IFT140: variants seen among roughly 807,000 people sequenced by gnomAD.
The protein encoded by IFT140 is intraflagellar transport protein 140 homolog.
Under a neutral mutation model 164.6 loss-of-function variants are expected in IFT140, and 133 were observed. The observed-to-expected ratio is 0.81, with a 90% CI of 0.70 to 0.93. The LOEUF is 0.93. IFT140 is among the 40% of genes least tolerant of loss of function. The pLI, the probability that IFT140 is intolerant of heterozygous loss-of-function variation, is 0.00. For missense variants in IFT140, 2,045 were observed against 1,972.3 expected (o/e 1.04, Z -0.70); for synonymous variants, 860 against 817.3 (o/e 1.05, Z -0.89).
rs1002480626 is a variant in IFT140, at chr16:1,533,469, G to C, written c.2400-6673C>G. ...GAGACGAGGGATCTGTCCCGCACCCGGCATCCCTGGCCTCTCCTCTGGGAC... is the reference window on the plus strand; with the variant it reads ...GAGACGAGGGATCTGTCCCGCACCCCGCATCCCTGGCCTCTCCTCTGGGAC... On this transcript the variant is annotated intron_variant, in intron 19 of 30. Coordinates refer to ENST00000426508, the MANE Select transcript of IFT140 (RefSeq NM_014714.4). This position sits in a 1 kb window ranked among gnomAD's most constrained non-coding sequence, Gnocchi z 4.7. 2 of 152,192 alleles carry C rather than the reference G, an allele frequency of 1.3e-5. No homozygotes were observed. The highest frequency in any genetic ancestry group is 4.8e-5 in the African/African-American group (2 of 41,314). The allele number at this position is 152,192 out of a possible 1,614,324, so 9.4% of individuals were successfully genotyped here.
In IFT140 at chr16:1,524,581, C is replaced by T. The variant is rs769281492; in HGVS notation, c.3112G>A (p.Ala1038Thr). 1 of 1,611,268 alleles carries T rather than the reference C, an allele frequency of 6.2e-7. No homozygotes were observed. Among genetic ancestry groups the T allele is most frequent in the Non-Finnish European group, 8.5e-7 (1 of 1,178,710 alleles). Residue 1038 changes from alanine (A) to threonine (T), a missense_variant, in exon 24 of 31, where the codon GCC (alanine) becomes ACC (threonine). Ala to Thr is a moderately conservative substitution (Grantham distance 58, BLOSUM62 0). Coordinates refer to ENST00000426508, the MANE Select transcript of IFT140 (RefSeq NM_014714.4). The part of the protein sequence containing the change: ...QAVHFYTRAQ[A>T]FKNAIRLCKE... ...CACAGGCGGATGGCATTCTTGAAGGCCTGTGCCCGGGTGTAGAAGTGCACC... is the reference window on the plus strand; with the variant it reads ...CACAGGCGGATGGCATTCTTGAAGGTCTGTGCCCGGGTGTAGAAGTGCACC...
intron 19 of IFT140, chr16:1,557,611 A>G: frequency 3.8e-6 from 1 of 263,050 alleles, no homozygotes; most frequent in Non-Finnish European, 7.2e-6. Context: ...GGCTGTTTTT[A>G]GTGTTTACTT....
chr16:1,575,075 A>G (rs2034207202), intron 13 of IFT140, among the ~76,000 whole-genome samples: 1 of 152,170 alleles, frequency 6.6e-6, no homozygotes, highest in South Asian at 2.1e-4. Flanking sequence ...GTAACTTAAT[A>G]AATTAGTGGC....
Position 1,533,987 on chromosome 16 carries a change from G to A in IFT140, c.2400-7191C>T, listed in dbSNP as rs920712521. On this transcript the variant is annotated intron_variant, in intron 19 of 30. Coordinates refer to ENST00000426508, the MANE Select transcript of IFT140 (RefSeq NM_014714.4). The surrounding 1 kb of genome is among the most constrained non-coding windows in gnomAD (Gnocchi z 4.7). ...GGCCTCCGCTTCCCGGGAAGACGGC[G>A]CACTCCTGGCCCTGGGTTCTTGCTG... 1.1e-5 allele frequency: 5 copies of A among 465,644 alleles called. No homozygotes were observed. The highest frequency in any genetic ancestry group is 3.0e-5 in the South Asian group (1 of 33,534). The allele number at this position is 465,644 out of a possible 1,614,324, so 28.8% of individuals were successfully genotyped here.
chr16:1,579,788 A>C (rs2034459572), intron 13 of IFT140, among the ~76,000 whole-genome samples: 1 of 152,098 alleles, frequency 6.6e-6, no homozygotes. Context: ...AACATGGTGA[A>C]ACCCTGTTTC....
In IFT140 at chr16:1,553,725, C is replaced by G. The variant is rs1231257978; in HGVS notation, c.2399+4210G>C. ...CCATGGCCTCCAGGACAATCTGTGG[C>G]CACATCCCCATGGCTGTAGGGGATG... On this transcript the variant is annotated intron_variant, in intron 19 of 30. Transcript: ENST00000426508. This position sits in a 1 kb window ranked among gnomAD's most constrained non-coding sequence, Gnocchi z 4.4. 2 of 1,122,678 alleles carry G rather than the reference C, an allele frequency of 1.8e-6. No homozygotes were observed. The highest frequency in any genetic ancestry group is 1.6e-5 in the African/African-American group (1 of 61,678). The allele number at this position is 1,122,678 out of a possible 1,614,324, so 69.5% of individuals were successfully genotyped here. A position where few individuals can be genotyped will look rare whatever the true frequency, so the allele number is the denominator to read the frequency against.
intron 19 of IFT140, among the ~76,000 whole-genome samples, chr16:1,555,832 G>A (rs1014582506): frequency 6.6e-6 from 1 of 152,114 alleles, no homozygotes; most frequent in East Asian, 1.9e-4. Context: ...GCCTGTGCGC[G>A]ATGGCTCACA....
chr16:1,609,496 A>T (rs893886597), intron 2 of IFT140, among the ~76,000 whole-genome samples: 1 of 152,150 alleles, frequency 6.6e-6, no homozygotes, highest in Admixed American at 6.5e-5. Flanking sequence ...TTCACTGCTC[A>T]CACATTGCCC....
chr16:1,540,136 A>G (rs1296667814), intron 19 of IFT140, among the ~76,000 whole-genome samples: 1 of 152,182 alleles, frequency 6.6e-6, no homozygotes, highest in African/African-American at 2.4e-5. Context: ...CTAGACTGAG[A>G]CGATCCCACA....
intron 19 of IFT140, among the ~76,000 whole-genome samples, chr16:1,543,713 G>A (rs1448826651): frequency 1.3e-5 from 2 of 152,356 alleles, no homozygotes; most frequent in Middle Eastern, 3.4e-3. Context: ...CTGCATGACT[G>A]CAGGGAAAAC....
At chr16:1,541,101 G>A (rs1486030000) in intron 19 of IFT140, 2 of 985,314 alleles carry the variant, frequency 2.0e-6, no homozygotes, top group Non-Finnish European at 2.4e-6. Flanking sequence ...ACTCACAGAA[G>A]GCTCCATCTG....
Position 1,553,771 on chromosome 16 carries a change from G to A in IFT140, c.2399+4164C>T, listed in dbSNP as rs1596354186. 1.7e-6 allele frequency: 2 copies of A among 1,178,224 alleles called. No homozygotes were observed. Among genetic ancestry groups the A allele is most frequent in the East Asian group, 5.9e-5 (1 of 17,068 alleles). 73.0% of individuals were successfully genotyped at this position (1,178,224 alleles called of 1,614,324 possible). On this transcript the variant is annotated intron_variant, in intron 19 of 30. Coordinates refer to ENST00000426508, the MANE Select transcript of IFT140 (RefSeq NM_014714.4). This position sits in a 1 kb window ranked among gnomAD's most constrained non-coding sequence, Gnocchi z 4.4. The stretch of plus-strand genomic sequence containing the variant: ...GGATGAGGAGGGGCAGGGCCATGTG[G>A]ACAGCCTCTCCTCCATCCTAGAGCC...
chr16:1,592,274 TTCTC>T lies in IFT140; in HGVS notation c.532_535del (p.Glu178LysfsTer17). 1 of 1,614,198 alleles carries T rather than the reference TTCTC, an allele frequency of 6.2e-7. No homozygotes were observed. The highest frequency in any genetic ancestry group is 1.1e-5 in the South Asian group (1 of 91,080). ...CTTCCAGTTAAACATGTCCAGGGCT[TTCTC>T]ATCACCGCTCACAGCTGCCTTTGCC... On this transcript the variant is annotated frameshift_variant, in exon 6 of 31. Transcript: ENST00000426508. LOFTEE classifies it high-confidence loss of function.
At chr16:1,611,367 G>C (rs1488606526) in intron 1 of IFT140, among the ~76,000 whole-genome samples, 1 of 152,160 alleles carries the variant, frequency 6.6e-6, no homozygotes, top group African/African-American at 2.4e-5. Flanking sequence ...AGCCGGGCGC[G>C]GTGGCGCCTC....
At position 1,524,850 on chromosome 16, in the gene IFT140, G is replaced by A; in HGVS notation, c.2931C>T (p.Tyr977=). 4 of 1,613,248 alleles carry A rather than the reference G, an allele frequency of 2.5e-6. No individual in the cohort carries two copies. Among genetic ancestry groups the A allele is most frequent in the Non-Finnish European group, 3.4e-6 (4 of 1,179,656 alleles). ...SQGEMDAALH[Y]YELARDHFSL... Reference sequence around the variant, plus strand: ...AGAAGTGGTCCCGGGCCAGCTCGTAGTAGTGCAGCGCGGCGTCCATCTCGC... The same window carrying A: ...AGAAGTGGTCCCGGGCCAGCTCGTAATAGTGCAGCGCGGCGTCCATCTCGC... Residue 977 remains tyrosine (Y), a synonymous_variant, in exon 23 of 31, where the codon TAC becomes TAT. Coordinates refer to ENST00000426508, the MANE Select transcript of IFT140 (RefSeq NM_014714.4).
At chr16:1,552,521 A>G (rs2141396858) in intron 19 of IFT140, among the ~76,000 whole-genome samples, 1 of 152,174 alleles carries the variant, frequency 6.6e-6, no homozygotes, top group South Asian at 2.1e-4. Context: ...CTCACACACA[A>G]CACAGGCTCA....
At chr16:1,534,835 G>A (rs1205979257) in intron 19 of IFT140, among the ~76,000 whole-genome samples, 1 of 152,124 alleles carries the variant, frequency 6.6e-6, no homozygotes, top group Non-Finnish European at 1.5e-5. Flanking sequence ...CATTTGGGGG[G>A]CCTCTCTGCC....
At chr16:1,599,247 T>C (rs1251222587) in intron 4 of IFT140, among the ~76,000 whole-genome samples, 12 of 70,672 alleles carry the variant, frequency 1.7e-4, no homozygotes, top group African/African-American at 6.3e-4. Flanking sequence ...GTGAGGAGCC[T>C]CTCCGCCCAG....
intron 14 of IFT140, 35 bp downstream of exon 14, chr16:1,571,372 A>C: frequency 6.2e-7 from 1 of 1,603,284 alleles, no homozygotes. Flanking sequence ...CTGACTAAAA[A>C]AATGTTCACA....
Sources: allele counts gnomAD v4.1 joint callset (sites outside exome capture counted in the v4.1 genomes callset), GRCh38; gene constraint gnomAD v4.1.1; non-coding constraint Gnocchi (gnomAD v3.1); transcripts MANE v1.5; gene names NCBI Gene and HGNC (gene_info 2026-07-23, HGNC 2026-07-21).